Variants in SLC24A3 observed in about 807,000 individuals in gnomAD.
SLC24A3 encodes the protein solute carrier family 24 member 3, also known as sodium/potassium/calcium exchanger 3.
Under a neutral mutation model 75.8 loss-of-function variants are expected in SLC24A3, and 28 were observed. The observed-to-expected ratio is 0.37, with a 90% CI of 0.27 to 0.51. The LOEUF (loss-of-function observed/expected upper bound fraction) is 0.51, where lower values mean the gene tolerates loss of function less well. Ranked by LOEUF, SLC24A3 falls within the 20% of genes least tolerant of loss-of-function variation. The pLI, the probability that SLC24A3 is intolerant of heterozygous loss-of-function variation, is 0.94. For missense variants in SLC24A3, 663 were observed against 847.8 expected (o/e 0.78, Z 2.71); for synonymous variants, 372 against 334.1 (o/e 1.11, Z -1.24).
rs148765209 is a variant in SLC24A3 at position 19,717,446 on chromosome 20, G to A, written c.1720-82G>A. Reference sequence around the variant, plus strand: ...TGGAATCACTGCTACTCAGAGTTGCGTAGGCAGATGCCTTTTCCAAAGCCT... The same window carrying A: ...TGGAATCACTGCTACTCAGAGTTGCATAGGCAGATGCCTTTTCCAAAGCCT... On this transcript the variant is annotated intron_variant, in intron 15 of 16. Transcript: ENST00000328041. 798 of 1,411,744 alleles carry A rather than the reference G, an allele frequency of 5.7e-4. 2 individuals carry two copies. In the African/African-American group the frequency reaches 6.3e-3, roughly 11 times the overall value. The allele number at this position is 1,411,744 out of a possible 1,614,324, so 87.5% of individuals were successfully genotyped here. A position where few individuals can be genotyped will look rare whatever the true frequency, so the allele number is the denominator to read the frequency against.
chr20:19,715,421 C>G (rs2033034251), intron 15 of SLC24A3, among the ~76,000 whole-genome samples: 2 of 152,284 alleles, frequency 1.3e-5, no homozygotes, highest in East Asian at 1.9e-4. Context: ...AGCCATTGCT[C>G]TAGTGTCACA....
intron 3 of SLC24A3, among the ~76,000 whole-genome samples, chr20:19,526,657 A>G (rs1050776370): frequency 6.6e-6 from 1 of 152,082 alleles, no homozygotes; most frequent in African/African-American, 2.4e-5. Flanking sequence ...CTCCCCCACT[A>G]TCAGAGGGTC....
At chr20:19,672,373 C>T (rs150762091) in intron 8 of SLC24A3, among the ~76,000 whole-genome samples, 41 of 152,188 alleles carry the variant, frequency 2.7e-4, no homozygotes, top group Middle Eastern at 3.4e-3. Context: ...TTTACTGTGT[C>T]GCCCAGGCTG....
chr20:19,306,840 C>T (rs770065962), intron 2 of SLC24A3, among the ~76,000 whole-genome samples: 2 of 151,842 alleles, frequency 1.3e-5, no homozygotes, highest in Admixed American at 6.6e-5. Flanking sequence ...CACATGTACC[C>T]GCAGAGTCTA....
chr20:19,352,879 G>A (rs1001039556), intron 2 of SLC24A3, among the ~76,000 whole-genome samples: 2 of 152,160 alleles, frequency 1.3e-5, no homozygotes, highest in Non-Finnish European at 2.9e-5. Context: ...TTATGCAATG[G>A]TGGTCCCATA....
intron 3 of SLC24A3, among the ~76,000 whole-genome samples, chr20:19,578,184 T>A (rs970822809): frequency 1.3e-5 from 2 of 152,178 alleles, no homozygotes; most frequent in African/African-American, 4.8e-5. Flanking sequence ...AAAAGGCCTA[T>A]TATTGGCTCA....
chr20:19,548,815 A>G (rs956408562), intron 3 of SLC24A3, among the ~76,000 whole-genome samples: 9 of 152,230 alleles, frequency 5.9e-5, no homozygotes, highest in African/African-American at 1.9e-4. Flanking sequence ...TTTGAATAAC[A>G]CCAAGGTGTG....
At chr20:19,376,054 C>T (rs949868042) in intron 2 of SLC24A3, among the ~76,000 whole-genome samples, 4 of 152,124 alleles carry the variant, frequency 2.6e-5, no homozygotes, top group African/African-American at 4.8e-5. Flanking sequence ...AAAGTAAGAT[C>T]ATCCTAACCC....
At chr20:19,337,247 C>A (rs564007157) in intron 2 of SLC24A3, among the ~76,000 whole-genome samples, 1 of 152,246 alleles carries the variant, frequency 6.6e-6, no homozygotes, top group South Asian at 2.1e-4. Flanking sequence ...GAGTTCGAGA[C>A]CAGCCTGACC....
intron 15 of SLC24A3, among the ~76,000 whole-genome samples, chr20:19,705,414 C>T (rs977300686): frequency 7.9e-5 from 12 of 152,172 alleles, no homozygotes; most frequent in Non-Finnish European, 1.0e-4. Flanking sequence ...GGGGACATCA[C>T]CATGGAGCTC....
At chr20:19,593,227 C>A (rs1422768944) in intron 6 of SLC24A3, among the ~76,000 whole-genome samples, 1 of 152,202 alleles carries the variant, frequency 6.6e-6, no homozygotes, top group African/African-American at 2.4e-5. Flanking sequence ...CCCACACTGC[C>A]TCCTATCACA....
At chr20:19,337,163 G>C (rs186769710) in intron 2 of SLC24A3, among the ~76,000 whole-genome samples, 1 of 152,174 alleles carries the variant, frequency 6.6e-6, no homozygotes, top group African/African-American at 2.4e-5. Flanking sequence ...TCCACACATC[G>C]GCCGAGCGCA....
intron 2 of SLC24A3, among the ~76,000 whole-genome samples, chr20:19,434,238 G>A (rs534869266): frequency 5.3e-5 from 8 of 152,296 alleles, no homozygotes; most frequent in South Asian, 2.1e-4. Flanking sequence ...CCAAGGAACC[G>A]CTGAACTGTA....
At chr20:19,694,353 A>C (rs1454730820) in intron 13 of SLC24A3, 2 of 152,256 alleles carry the variant, frequency 1.3e-5, no homozygotes, top group African/African-American at 2.4e-5. Flanking sequence ...ATTCTGGAGA[A>C]TTAAACTCAA....
chr20:19,628,219 A>G (rs1382449470), intron 6 of SLC24A3, among the ~76,000 whole-genome samples: 24 of 150,870 alleles, frequency 1.6e-4, no homozygotes, highest in Admixed American at 5.3e-4. Context: ...AAAAAAAAAA[A>G]AAAGAAAAAG....
intron 6 of SLC24A3, among the ~76,000 whole-genome samples, chr20:19,651,371 TTATATA>T (rs201410584): frequency 0.24 from 25,231 of 105,848 alleles, 2,344 homozygotes; most frequent in Non-Finnish European, 0.25. Flanking sequence ...CTGGTTTTTA[TTATATA>T]TATATATATA....
intron 6 of SLC24A3, among the ~76,000 whole-genome samples, chr20:19,633,029 A>G (rs2031953729): frequency 6.6e-6 from 1 of 152,248 alleles, no homozygotes. Flanking sequence ...CTTTTGAGTC[A>G]TTCAGCTGGC....
At chr20:19,311,728 C>T (rs1483407239) in intron 2 of SLC24A3, among the ~76,000 whole-genome samples, 2 of 152,266 alleles carry the variant, frequency 1.3e-5, no homozygotes, top group Middle Eastern at 3.4e-3. Context: ...GTCAAGATAG[C>T]CTGTTAGTAA....
intron 3 of SLC24A3, among the ~76,000 whole-genome samples, chr20:19,522,651 T>A (rs1406503882): frequency 6.6e-6 from 1 of 152,218 alleles, no homozygotes; most frequent in Non-Finnish European, 1.5e-5. Flanking sequence ...GTACCTCCTG[T>A]CACAGGGCCA....
Sources: allele counts gnomAD v4.1 joint callset (sites outside exome capture counted in the v4.1 genomes callset), GRCh38; gene constraint gnomAD v4.1.1; transcripts MANE v1.5; gene names NCBI Gene and HGNC (gene_info 2026-07-23, HGNC 2026-07-21).